The following NTNG1 variants were observed in gnomAD, a reference collection of about 807,000 sequenced individuals.
NTNG1 encodes netrin-G1.
In NTNG1, 16 loss-of-function variants were observed where a neutral mutation model predicts 54.0. The ratio of observed to expected loss-of-function variants is 0.30; its 90% CI spans 0.20 to 0.45. The LOEUF is 0.45. Ranked by LOEUF, NTNG1 falls within the 20% of genes least tolerant of loss-of-function variation. The pLI, the probability that NTNG1 is intolerant of heterozygous loss-of-function variation, is 1.00. For synonymous variants in NTNG1, 255 were observed against 263.1 expected, an observed-to-expected ratio of 0.97 and a Z score of 0.30; for missense variants, 530 against 678.7, an observed-to-expected ratio of 0.78 and a Z score of 2.43.
chr1:107,170,506 T>G (rs547893268), intron 2 of NTNG1, among the ~76,000 whole-genome samples: 1 of 152,162 alleles, frequency 6.6e-6, no homozygotes, highest in Non-Finnish European at 1.5e-5. Context: ...AGCAAAAAAT[T>G]TTTGTCACTG....
intron 2 of NTNG1, among the ~76,000 whole-genome samples, chr1:107,180,228 C>T (rs10785815): frequency 2.0e-5 from 3 of 152,132 alleles, no homozygotes; most frequent in East Asian, 3.9e-4. Flanking sequence ...ATTTTAGATA[C>T]GTATGGAGGT....
intron 2 of NTNG1, among the ~76,000 whole-genome samples, chr1:107,237,799 G>A (rs1026982381): frequency 2.6e-5 from 4 of 152,196 alleles, no homozygotes; most frequent in Non-Finnish European, 4.4e-5. Flanking sequence ...TTGAGGTTTG[G>A]AAATCTCTGC....
chr1:107,263,767 C>T (rs1663534950), intron 2 of NTNG1, among the ~76,000 whole-genome samples: 1 of 152,084 alleles, frequency 6.6e-6, no homozygotes, highest in African/African-American at 2.4e-5. Flanking sequence ...CGGCACTTGC[C>T]TTTATTAATT....
At chr1:107,287,716 A>C (rs987793718) in intron 2 of NTNG1, among the ~76,000 whole-genome samples, 1 of 152,188 alleles carries the variant, frequency 6.6e-6, no homozygotes, top group African/African-American at 2.4e-5. Context: ...TAGGTGGGAA[A>C]GTAATGGTTA....
chr1:107,363,186 AT>A (rs763563695), intron 3 of NTNG1, among the ~76,000 whole-genome samples: 30 of 152,230 alleles, frequency 2.0e-4, no homozygotes, highest in Non-Finnish European at 3.2e-4. Flanking sequence ...TCACACCTGA[AT>A]TTCATGAACA....
intron 3 of NTNG1, among the ~76,000 whole-genome samples, chr1:107,367,892 GC>G (rs1303944646): frequency 3.9e-5 from 6 of 152,028 alleles, no homozygotes; most frequent in Non-Finnish European, 5.9e-5. Flanking sequence ...CTCCTGAGTA[GC>G]TGTGACTACA....
In NTNG1 at chr1:107,185,857, G is replaced by A. The variant is rs150303660; in HGVS notation, c.246+37018G>A. ...TCTACCACATCCTTATCCAGTCTGC[G>A]ACCAACTTCTATTTTTTTTTAAAAC... On this transcript the variant is annotated intron_variant, in intron 2 of 7. Coordinates refer to ENST00000370068, the MANE Select transcript of NTNG1 (RefSeq NM_001113226.3). Among the ~76,000 whole-genome samples, 40 of 62,214 alleles carry A rather than the reference G, an allele frequency of 6.4e-4. No homozygotes were observed. The East Asian group carries it at 0.017, about 26-fold the overall frequency. 40.8% of individuals were successfully genotyped at this position (62,214 alleles called of 152,430 possible). A position where few individuals can be genotyped will look rare whatever the true frequency, so the allele number is the denominator to read the frequency against.
At chr1:107,174,982 T>A (rs1045326599) in intron 2 of NTNG1, among the ~76,000 whole-genome samples, 2 of 152,168 alleles carry the variant, frequency 1.3e-5, no homozygotes, top group Non-Finnish European at 2.9e-5. Context: ...TTTTATTTAT[T>A]GATTTGATCA....
At chr1:107,292,178 T>C (rs151125075) in intron 2 of NTNG1, among the ~76,000 whole-genome samples, 16 of 152,260 alleles carry the variant, frequency 1.1e-4, no homozygotes, top group African/African-American at 3.9e-4. Context: ...GGAATATAAG[T>C]GTGACCTTTC....
At chr1:107,260,428 G>A (rs1490100069) in intron 2 of NTNG1, among the ~76,000 whole-genome samples, 1 of 152,168 alleles carries the variant, frequency 6.6e-6, no homozygotes, top group Non-Finnish European at 1.5e-5. Flanking sequence ...TCTACAGCAG[G>A]CAGAGGGTCT....
Position 107,456,602 on chromosome 1 carries a change from C to T in NTNG1, c.1390+19803C>T, listed in dbSNP as rs149451985. On this transcript the variant is annotated intron_variant, in intron 7 of 7. Coordinates refer to ENST00000370068, the MANE Select transcript of NTNG1 (RefSeq NM_001113226.3). ...TACTCCTAGCTGGATTTTAGAATAG[C>T]CTTTGATGTGGCTGCAGATACCACA... Among the ~76,000 whole-genome samples the T allele has an allele frequency of 4.3e-3, 653 of 152,286 alleles. 5 individuals carry two copies. Among genetic ancestry groups the T allele is most frequent in the African/African-American group, 0.015 (624 of 41,560 alleles).
intron 5 of NTNG1, among the ~76,000 whole-genome samples, chr1:107,423,732 T>C (rs531577513): frequency 6.9e-4 from 105 of 152,272 alleles, no homozygotes; most frequent in Non-Finnish European, 1.4e-3. Flanking sequence ...TAAGCTGATC[T>C]GTTAATAGAC....
At chr1:107,338,090 A>C (rs1165405475) in intron 3 of NTNG1, among the ~76,000 whole-genome samples, 1 of 152,038 alleles carries the variant, frequency 6.6e-6, no homozygotes, top group Non-Finnish European at 1.5e-5. Context: ...GTTGGGGATG[A>C]TGCCACTGTT....
chr1:107,323,377 G>C (rs1667764802), intron 2 of NTNG1, among the ~76,000 whole-genome samples: 2 of 152,110 alleles, frequency 1.3e-5, no homozygotes, highest in African/African-American at 4.8e-5. Context: ...GTTGTAACTT[G>C]TAATATAACT....
intron 3 of NTNG1, among the ~76,000 whole-genome samples, chr1:107,360,474 T>C (rs546032648): frequency 4.1e-4 from 62 of 152,098 alleles, no homozygotes; most frequent in African/African-American, 1.4e-3. Context: ...GTGATAGAAA[T>C]TAAGGTAGGA....
At chr1:107,248,632 G>A (rs1373581525) in intron 2 of NTNG1, among the ~76,000 whole-genome samples, 3 of 152,070 alleles carry the variant, frequency 2.0e-5, no homozygotes, top group African/African-American at 7.2e-5. Context: ...CAATATAAGC[G>A]ATTTTATTAA....
At chr1:107,191,017 G>A (rs1407355065) in intron 2 of NTNG1, among the ~76,000 whole-genome samples, 4 of 152,172 alleles carry the variant, frequency 2.6e-5, no homozygotes, top group African/African-American at 9.7e-5. Flanking sequence ...CTTCCACAAT[G>A]GTTGAACTAG....
rs59501395 is a variant in NTNG1 at position 107,280,157 on chromosome 1, C to CTTTTTTTTTTTTTTTTTTTTTTTT, written c.247-44109_247-44108insTTTTTTTTTTTTTTTTTTTTTTTT. On this transcript the variant is annotated intron_variant, in intron 2 of 7. Coordinates refer to ENST00000370068, the MANE Select transcript of NTNG1 (RefSeq NM_001113226.3). ...ATGTATGATGTGTTTCGGTGCTAAC[C>CTTTTTTTTTTTTTTTTTTTTTTTT]TTTTTTTTTTTTTTTTCCCTCACTG... Among the ~76,000 whole-genome samples the CTTTTTTTTTTTTTTTTTTTTTTTT allele has an allele frequency of 2.9e-5, 3 of 103,942 alleles. 1 individual carries two copies. The highest frequency in any genetic ancestry group is 3.6e-5 in the Non-Finnish European group (2 of 55,416). 68.2% of individuals were successfully genotyped at this position (103,942 alleles called of 152,430 possible).
At chr1:107,255,731 A>G (rs1662891656) in intron 2 of NTNG1, among the ~76,000 whole-genome samples, 1 of 152,186 alleles carries the variant, frequency 6.6e-6, no homozygotes, top group South Asian at 2.1e-4. Context: ...AAAGTTGCCT[A>G]TATAACAAGT....
Sources: gnomAD v4.1 joint callset for allele counts (sites outside exome capture counted in the v4.1 genomes callset) on GRCh38, gnomAD v4.1.1 for gene constraint, MANE v1.5 for transcripts, NCBI Gene and HGNC (gene_info 2026-07-23, HGNC 2026-07-21) for gene names.